The following CHCHD7 variants were observed in gnomAD, a reference collection of about 807,000 sequenced individuals.
CHCHD7 encodes coiled-coil-helix-coiled-coil-helix domain containing 7, also known as coiled-coil-helix-coiled-coil-helix domain-containing protein 7.
A neutral mutation model predicts 10.5 loss-of-function variants in CHCHD7; 7 were observed. The ratio of observed to expected loss-of-function variants is 0.67; its 90% CI spans 0.38 to 1.25. The LOEUF is 1.25. Ranked by LOEUF, CHCHD7 falls within the 50% of genes most tolerant of loss-of-function variation. CHCHD7 has a pLI of 0.02. For synonymous variants in CHCHD7, 40 were observed against 36.0 expected (o/e 1.11, Z -0.40); for missense variants, 100 against 104.5 (o/e 0.96, Z 0.19).
At chr8:56,214,698 G>A (rs1813239865) in intron 2 of CHCHD7, 31 bp downstream of exon 2, 33 of 1,576,676 alleles carry the variant, frequency 2.1e-5, no homozygotes, top group Non-Finnish European at 2.8e-5. Flanking sequence ...TTTCATGAGT[G>A]TTAAGTTGGA....
Position 56,216,532 on chromosome 8 carries a change from G to C in CHCHD7, c.153+1G>C. The stretch of plus-strand genomic sequence containing the variant: ...GTACAAAAACTGCCGGAGATTCTGG[G>C]TAAGCCTAGATTGGTTAGCTTTGTG... On this transcript the variant is annotated splice_donor_variant, in intron 3 of 3. Transcript: ENST00000355315. LOFTEE classifies it high-confidence loss of function. The C allele has an allele frequency of 6.2e-7, 1 of 1,614,150 alleles. No individual in the cohort carries two copies. Among genetic ancestry groups the C allele is most frequent in the Non-Finnish European group, 8.5e-7 (1 of 1,180,022 alleles).
At position 56,218,587 on chromosome 8, in the gene CHCHD7, T is replaced by A. The variant is rs1219500888; in HGVS notation, c.*1152T>A. ...CATGACCTTGATTGTTAAATGTAGT[T>A]ATATTTGAATAAAAAATGAATCATT... On this transcript the variant is annotated 3_prime_UTR_variant, in exon 4 of 4. Coordinates refer to ENST00000355315, the MANE Select transcript of CHCHD7 (RefSeq NM_001011671.3). The A allele has an allele frequency of 4.9e-6, 1 of 204,612 alleles. No homozygotes were observed. Among genetic ancestry groups the A allele is most frequent in the East Asian group, 7.5e-5 (1 of 13,284 alleles). The allele number at this position is 204,612 out of a possible 1,614,324, so 12.7% of individuals were successfully genotyped here.
intron 1 of CHCHD7, chr8:56,213,165 C>T (rs1457523475): frequency 6.3e-6 from 2 of 317,900 alleles, no homozygotes; most frequent in Non-Finnish European, 5.7e-6. Flanking sequence ...GAGGAAGAAG[C>T]TTGTAGATAT....
chr8:56,216,360 C>T (rs1813341230), intron 2 of CHCHD7, 73 bp from the exon 3 acceptor site: 2 of 1,590,312 alleles, frequency 1.3e-6, no homozygotes, highest in African/African-American at 2.7e-5. Flanking sequence ...GGGGAAGCAG[C>T]TTTTGTTTGT....
intron 1 of CHCHD7, chr8:56,212,950 GA>G: frequency 7.9e-7 from 1 of 1,259,728 alleles, no homozygotes; most frequent in Non-Finnish European, 1.2e-6. Context: ...ATAAAATATA[GA>G]GTAGGATACT....
intron 1 of CHCHD7, chr8:56,212,522 G>A (rs2129239082): frequency 1.3e-5 from 3 of 232,672 alleles, no homozygotes; most frequent in Non-Finnish European, 2.5e-5. Context: ...GCTTTATTAA[G>A]CAGTTTGCCC....
intron 1 of CHCHD7, 69 bp from the exon 2 acceptor site, chr8:56,214,529 G>A: frequency 1.8e-6 from 2 of 1,136,954 alleles, no homozygotes; most frequent in East Asian, 2.4e-5. Context: ...TACTTTTAGT[G>A]CTATTGAGAT....
intron 1 of CHCHD7, chr8:56,213,784 GT>G (rs1813176458): frequency 6.6e-6 from 1 of 152,218 alleles, no homozygotes; most frequent in African/African-American, 2.4e-5. Flanking sequence ...CAACTCTTTT[GT>G]TTTTGAAACA....
intron 1 of CHCHD7, 118 bp from the exon 2 acceptor site, chr8:56,214,480 C>T (rs1413267734): frequency 1.5e-6 from 1 of 656,254 alleles, no homozygotes; most frequent in Non-Finnish European, 2.7e-6. Context: ...CATGAAGTTC[C>T]TCACTAAGTG....
chr8:56,213,036 A>AT, intron 1 of CHCHD7: 1 of 603,314 alleles, frequency 1.7e-6, no homozygotes, highest in Non-Finnish European at 2.9e-6. Flanking sequence ...TCTAAGGTGT[A>AT]TGAAGAGTTC....
At chr8:56,213,544 A>T (rs1185754762) in intron 1 of CHCHD7, 2 of 152,044 alleles carry the variant, frequency 1.3e-5, no homozygotes, top group East Asian at 3.8e-4. Context: ...GGCGCGTGCC[A>T]CCACGCTCAG....
Position 56,214,636 on chromosome 8 carries a change from T to G in CHCHD7, c.23T>G (p.Leu8Arg). Reference protein sequence around the residue: MPSVTQRLRDPDINPCLS... With the variant: MPSVTQRRRDPDINPCLS... ...AGAATGCCCTCGGTAACACAGAGGC[T>G]GAGAGATCCTGACATAAATCCTTGT... Residue 8 changes from leucine to arginine, a missense_variant, in exon 2 of 4, where the codon CTG (leucine) becomes CGG (arginine). Transcript: ENST00000355315. The G allele has an allele frequency of 6.2e-7, 1 of 1,613,628 alleles. No homozygotes were observed. The highest frequency in any genetic ancestry group is 1.1e-5 in the South Asian group (1 of 91,042).
chr8:56,214,569 A>G (rs1230378463), intron 1 of CHCHD7, 29 bp from the exon 2 acceptor site: 2 of 1,553,162 alleles, frequency 1.3e-6, no homozygotes, highest in Non-Finnish European at 1.8e-6. Flanking sequence ...CAACTACTGT[A>G]TAATTATTTT....
chr8:56,212,556 C>T (rs941604858), intron 1 of CHCHD7: 33 of 317,032 alleles, frequency 1.0e-4, no homozygotes, highest in African/African-American at 6.6e-4. Flanking sequence ...TTAGAGTTAT[C>T]CCCTGAATGT....
intron 1 of CHCHD7, chr8:56,212,741 A>G (rs987626031): frequency 2.8e-6 from 2 of 718,792 alleles, no homozygotes; most frequent in Admixed American, 2.2e-5. Context: ...CTGTAAATTG[A>G]CATTTCCTCT....
chr8:56,216,044 A>G (rs189085248), intron 2 of CHCHD7, among the ~76,000 whole-genome samples: 438 of 152,328 alleles, frequency 2.9e-3, no homozygotes, highest in African/African-American at 0.01. Flanking sequence ...CCAAAGTGAA[A>G]ATCTGGAAAA....
Position 56,216,527 on chromosome 8 carries a change from T to G in CHCHD7, c.149T>G (p.Phe50Cys). The stretch of plus-strand genomic sequence containing the variant: ...TTGAGGTACAAAAACTGCCGGAGAT[T>G]CTGGGTAAGCCTAGATTGGTTAGCT... ...YFLRYKNCRRFWNSIVMQRRK... is the reference protein window; with the variant it reads ...YFLRYKNCRRCWNSIVMQRRK... Residue 50 changes from phenylalanine (F) to cysteine (C), a missense_variant, in exon 3 of 4, where the codon TTC becomes TGC. By Grantham distance (205) the Phe-to-Cys change is radical. Transcript: ENST00000355315. The G allele has an allele frequency of 6.2e-7, 1 of 1,614,212 alleles. No individual in the cohort carries two copies. Among genetic ancestry groups the G allele is most frequent in the African/African-American group, 1.3e-5 (1 of 75,052 alleles).
In CHCHD7 at chr8:56,216,255, G is replaced by C. The variant is rs1303823571; in HGVS notation, c.55-178G>C. 5.7e-6 allele frequency: 5 copies of C among 881,688 alleles called. No homozygotes were observed. In the East Asian group the frequency reaches 1.3e-4, roughly 23 times the overall value. The allele number at this position is 881,688 out of a possible 1,614,324, so 54.6% of individuals were successfully genotyped here. ...AAAAAGGAAGATGTTAGCCTGAGCA[G>C]AGTGCATACTGGGATAGCTGGCGAG... On this transcript the variant is annotated intron_variant, in intron 2 of 3. Transcript: ENST00000355315.
intron 2 of CHCHD7, 27 bp downstream of exon 2, chr8:56,214,694 G>T: frequency 6.3e-7 from 1 of 1,592,214 alleles, no homozygotes. Flanking sequence ...TAATTTTCAT[G>T]AGTGTTAAGT....
Sources: allele counts gnomAD v4.1 joint callset (sites outside exome capture counted in the v4.1 genomes callset), GRCh38; gene constraint gnomAD v4.1.1; transcripts MANE v1.5; gene names NCBI Gene and HGNC (gene_info 2026-07-23, HGNC 2026-07-21).